Variants in EDIL3 observed in about 807,000 individuals in gnomAD.
EDIL3 encodes the protein EGF like and discoidin domains 3.
Under a neutral mutation model 67.4 loss-of-function variants are expected in EDIL3, and 37 were observed. The ratio of observed to expected loss-of-function variants is 0.55; its 90% CI spans 0.42 to 0.72. The LOEUF (loss-of-function observed/expected upper bound fraction) is 0.72, where lower values mean the gene tolerates loss of function less well. EDIL3 is among the 30% of genes least tolerant of loss of function. The pLI is 0.00. For missense variants in EDIL3, 527 were observed against 586.3 expected, an observed-to-expected ratio of 0.90 and a Z score of 1.04; for synonymous variants, 195 against 196.3, an observed-to-expected ratio of 0.99 and a Z score of 0.05.
At chr5:84,117,854 C>T (rs1747699630) in intron 5 of EDIL3, among the ~76,000 whole-genome samples, 1 of 151,818 alleles carries the variant, frequency 6.6e-6, no homozygotes, top group Non-Finnish European at 1.5e-5. Context: ...ACTATAAAGT[C>T]ACAAACATAA....
intron 2 of EDIL3, among the ~76,000 whole-genome samples, chr5:84,245,184 C>T (rs1391318993): frequency 2.0e-5 from 3 of 152,102 alleles, no homozygotes; most frequent in Non-Finnish European, 4.4e-5. Context: ...CTAGTTTACC[C>T]TTTTTTAAAT....
intron 9 of EDIL3, among the ~76,000 whole-genome samples, chr5:84,042,623 G>C (rs1399176994): frequency 6.6e-6 from 1 of 152,040 alleles, no homozygotes; most frequent in Non-Finnish European, 1.5e-5. Context: ...CTGAGTAAAA[G>C]TAAACAGGCA....
chr5:84,238,989 A>G (rs540035847), intron 2 of EDIL3, among the ~76,000 whole-genome samples: 91 of 152,106 alleles, frequency 6.0e-4, no homozygotes, highest in Admixed American at 2.6e-3. Context: ...TAACAGATCC[A>G]ATCTGCGGAC....
chr5:84,297,364 A>C (rs756137305), intron 1 of EDIL3, among the ~76,000 whole-genome samples: 1 of 152,150 alleles, frequency 6.6e-6, no homozygotes, highest in Non-Finnish European at 1.5e-5. Flanking sequence ...GACAATTATA[A>C]AAAATTTCAA....
In EDIL3 at chr5:84,365,989, G is replaced by A. The variant is rs146392279; in HGVS notation, c.67+18319C>T. Among the ~76,000 whole-genome samples, 636 of 152,178 alleles carry A rather than the reference G, an allele frequency of 4.2e-3. 3 individuals are homozygous for A. Among genetic ancestry groups the A allele is most frequent in the African/African-American group, 0.014 (586 of 41,516 alleles). ...CTAAAAGGTATCAGGGCAAATAAAT[G>A]TTTCATCCAGGATCCAATTCCTAGT... On this transcript the variant is annotated intron_variant, in intron 1 of 10. Transcript: ENST00000296591.
intron 4 of EDIL3, among the ~76,000 whole-genome samples, chr5:84,139,304 T>G (rs1390694508): frequency 9.2e-5 from 6 of 65,570 alleles, no homozygotes; most frequent in South Asian, 5.3e-4. Context: ...GAAGGATGGA[T>G]GGGAGGGAGG....
intron 3 of EDIL3, among the ~76,000 whole-genome samples, chr5:84,204,020 C>T (rs753702979): frequency 1.3e-5 from 2 of 152,090 alleles, no homozygotes; most frequent in Admixed American, 6.6e-5. Flanking sequence ...CAGGGGTCTC[C>T]GCTTTTGTTG....
At chr5:84,012,021 T>A (rs1283289593) in intron 9 of EDIL3, among the ~76,000 whole-genome samples, 1 of 152,184 alleles carries the variant, frequency 6.6e-6, no homozygotes, top group African/African-American at 2.4e-5. Flanking sequence ...GTTTCTGTCT[T>A]CTCTAATTCC....
chr5:83,948,733 A>G (rs879139569), intron 10 of EDIL3, among the ~76,000 whole-genome samples: 4 of 151,844 alleles, frequency 2.6e-5, no homozygotes, highest in Non-Finnish European at 4.4e-5. Flanking sequence ...TCTATAAGTG[A>G]TTGGCTATAA....
chr5:84,101,554 C>A (rs1326183672), intron 6 of EDIL3, among the ~76,000 whole-genome samples: 1 of 152,030 alleles, frequency 6.6e-6, no homozygotes, highest in South Asian at 2.1e-4. Flanking sequence ...CCTCTGTGCA[C>A]ACAAACTGGA....
At chr5:84,062,563 T>C (rs1459727061) in intron 8 of EDIL3, among the ~76,000 whole-genome samples, 1 of 152,166 alleles carries the variant, frequency 6.6e-6, no homozygotes, top group African/African-American at 2.4e-5. Context: ...AATGAATGAA[T>C]GAGTATTCCT....
intron 1 of EDIL3, among the ~76,000 whole-genome samples, chr5:84,369,129 T>C (rs1216006349): frequency 6.6e-6 from 1 of 151,542 alleles, no homozygotes; most frequent in Non-Finnish European, 1.5e-5. Flanking sequence ...AACAAAGGAA[T>C]TGAAAACAGA....
intron 5 of EDIL3, among the ~76,000 whole-genome samples, chr5:84,133,576 G>A (rs1343020159): frequency 2.6e-5 from 4 of 151,596 alleles, no homozygotes; most frequent in African/African-American, 4.8e-5. Context: ...GCAGTGAGCC[G>A]AGATTGTGCC....
Position 84,180,514 on chromosome 5 carries a change from G to A in EDIL3, c.234C>T (p.Cys78=). 1 of 1,578,854 alleles carries A rather than the reference G, an allele frequency of 6.3e-7. No homozygotes were observed. The highest frequency in any genetic ancestry group is 8.6e-7 in the Non-Finnish European group (1 of 1,166,862). ...DEEEPTSAGP[C]TPNPCHNGGT... ...CTCCATTATGGCATGGATTAGGAGT[G>A]CAGGGACCTGAAAGACAGAAAAAAA... Residue 78 remains cysteine, a synonymous_variant, in exon 4 of 11, where the codon TGC becomes TGT. Transcript: ENST00000296591.
At chr5:84,204,746 A>T (rs1291588832) in intron 3 of EDIL3, among the ~76,000 whole-genome samples, 1 of 149,804 alleles carries the variant, frequency 6.7e-6, no homozygotes, top group Non-Finnish European at 1.5e-5. Flanking sequence ...AGTTCTTAAA[A>T]TTTTCTTTCT....
intron 9 of EDIL3, among the ~76,000 whole-genome samples, chr5:84,008,004 C>T (rs371221500): frequency 7.2e-5 from 11 of 152,136 alleles, no homozygotes; most frequent in East Asian, 1.9e-4. Context: ...GAGGACATCA[C>T]GTCAAATGAA....
chr5:84,152,094 A>G (rs916582632), intron 4 of EDIL3, among the ~76,000 whole-genome samples: 3 of 151,608 alleles, frequency 2.0e-5, no homozygotes, highest in South Asian at 4.2e-4. Flanking sequence ...TAATTTTTGT[A>G]TTCTTAGTAG....
chr5:84,041,160 C>T (rs1001096434), intron 9 of EDIL3, among the ~76,000 whole-genome samples: 1 of 150,928 alleles, frequency 6.6e-6, no homozygotes, highest in Non-Finnish European at 1.5e-5. Flanking sequence ...CAAAACAAAC[C>T]AAGAGGTTGC....
chr5:84,045,222 T>C lies in EDIL3; in HGVS notation c.1137+15078A>G, dbSNP rs369642587. 4.6e-5 allele frequency among the ~76,000 whole-genome samples: 7 copies of C among 152,176 alleles called. No individual in the cohort carries two copies. The East Asian group carries it at 5.8e-4, about 13-fold the overall frequency. ...ATCTCCCTCTAGGTCCCTCCCACAA[T>C]GCATAGGAATTATGGGAGCTACAAT... On this transcript the variant is annotated intron_variant, in intron 9 of 10. Coordinates refer to ENST00000296591, the MANE Select transcript of EDIL3 (RefSeq NM_005711.5).
Sources: allele counts gnomAD v4.1 joint callset (sites outside exome capture counted in the v4.1 genomes callset), GRCh38; gene constraint gnomAD v4.1.1; transcripts MANE v1.5; gene names NCBI Gene and HGNC (gene_info 2026-07-23, HGNC 2026-07-21).